CLASP1: variants seen among roughly 807,000 people sequenced by gnomAD.
CLASP1 encodes cytoplasmic linker associated protein 1, also known as CLIP-associating protein 1.
Under a neutral mutation model 192.3 loss-of-function variants are expected in CLASP1, and 38 were observed. The ratio of observed to expected loss-of-function variants is 0.20; its 90% CI spans 0.15 to 0.26. The LOEUF (loss-of-function observed/expected upper bound fraction) is 0.26, where lower values mean the gene tolerates loss of function less well. Ranked by LOEUF, CLASP1 falls within the 10% of genes least tolerant of loss-of-function variation. The probability of loss-of-function intolerance (pLI) is 1.00; values close to 1 mark genes in which losing one functional copy is unlikely to be tolerated. For synonymous variants in CLASP1, 691 were observed against 712.8 expected (o/e 0.97, Z 0.49); for missense variants, 1,433 against 1,932.5 (o/e 0.74, Z 4.85).
intron 8 of CLASP1, among the ~76,000 whole-genome samples, chr2:121,500,373 AAAGAAAGAAAGAAAGAAAG>A (rs543861617): frequency 7.4e-6 from 1 of 135,526 alleles, no homozygotes; most frequent in African/African-American, 3.7e-5. Flanking sequence ...AGAAAGAAAG[AAAGAAAGAAAGAAAGAAAG>A]AAAGAAAAGA....
intron 1 of CLASP1, among the ~76,000 whole-genome samples, chr2:121,616,620 T>C (rs1432965289): frequency 2.6e-5 from 4 of 152,196 alleles, no homozygotes; most frequent in African/African-American, 9.7e-5. Context: ...GTCAGCATAT[T>C]TCTATCAATA....
At position 121,530,839 on chromosome 2, in the gene CLASP1, T is replaced by C. The variant is rs79645684; in HGVS notation, c.196-514A>G. 29,936 of 666,100 alleles carry C rather than the reference T, an allele frequency of 0.045. 899 individuals carry two copies. The highest frequency in any genetic ancestry group is 0.12 in the East Asian group (4,346 of 36,592). 41.3% of individuals were successfully genotyped at this position (666,100 alleles called of 1,614,324 possible). A position where few individuals can be genotyped will look rare whatever the true frequency, so the allele number is the denominator to read the frequency against. On this transcript the variant is annotated intron_variant, in intron 2 of 39. Transcript: ENST00000263710. ...AATTAATTACCACAACCCTACCAGG[T>C]ATTGGCGCTTCCTGCTTGCAGCCCA... is the stretch of plus-strand genomic sequence containing the variant.
chr2:121,542,964 G>A (rs1490593297), intron 2 of CLASP1, among the ~76,000 whole-genome samples: 1 of 152,226 alleles, frequency 6.6e-6, no homozygotes, highest in Non-Finnish European at 1.5e-5. Context: ...ACAGCTTTCA[G>A]CAATGATAGA....
chr2:121,520,477 C>G (rs1463770848), intron 6 of CLASP1, among the ~76,000 whole-genome samples: 1 of 152,228 alleles, frequency 6.6e-6, no homozygotes, highest in African/African-American at 2.4e-5. Flanking sequence ...GGCAGGGCCG[C>G]ATGGAAGCTC....
At chr2:121,515,455 C>G (rs1016849139) in intron 7 of CLASP1, among the ~76,000 whole-genome samples, 5 of 152,128 alleles carry the variant, frequency 3.3e-5, no homozygotes, top group African/African-American at 1.2e-4. Flanking sequence ...GGCCAGTTGT[C>G]TGAGTGAGAA....
At chr2:121,518,864 C>T (rs1001234219) in intron 6 of CLASP1, among the ~76,000 whole-genome samples, 16 of 152,104 alleles carry the variant, frequency 1.1e-4, no homozygotes, top group African/African-American at 3.9e-4. Flanking sequence ...GGTGACAGAA[C>T]AAGACGCTGT....
At position 121,464,114 on chromosome 2, in the gene CLASP1, C is replaced by T. The variant is rs148613178; in HGVS notation, c.866-1509G>A. ...TGCGGTGTTTGGTTTTTTGTTCTTG[C>T]GATAGTTTACCGAGAATGATGATTT... On this transcript the variant is annotated intron_variant, in intron 9 of 39. Transcript: ENST00000263710. 1.2e-3 allele frequency among the ~76,000 whole-genome samples: 180 copies of T among 150,970 alleles called. 2 individuals carry two copies. The highest frequency in any genetic ancestry group is 3.7e-3 in the African/African-American group (151 of 41,100).
chr2:121,633,007 C>CATATATATATAT (rs71398038), intron 1 of CLASP1, among the ~76,000 whole-genome samples: 1,607 of 115,472 alleles, frequency 0.014, 78 homozygotes, highest in African/African-American at 0.057. Context: ...TATGTGTGTG[C>CATATATATATAT]ATATATATAT....
At chr2:121,447,546 T>A in intron 18 of CLASP1, 39 bp from the exon 19 acceptor site, 2 of 1,472,730 alleles carry the variant, frequency 1.4e-6, no homozygotes, top group South Asian at 2.6e-5. Context: ...AAGGACTACA[T>A]AGAATTTTGA....
chr2:121,384,123 C>T (rs1440087378), intron 32 of CLASP1, among the ~76,000 whole-genome samples: 1 of 135,728 alleles, frequency 7.4e-6, no homozygotes, highest in Admixed American at 7.3e-5. Flanking sequence ...TATATATACA[C>T]ACATATATAT....
At chr2:121,620,050 C>A (rs900077168) in intron 1 of CLASP1, among the ~76,000 whole-genome samples, 2 of 151,900 alleles carry the variant, frequency 1.3e-5, no homozygotes, top group Admixed American at 6.6e-5. Context: ...AGCGAAACCC[C>A]ATCTCTACTA....
At chr2:121,343,944 G>A (rs1206196309) in intron 39 of CLASP1, among the ~76,000 whole-genome samples, 2 of 152,042 alleles carry the variant, frequency 1.3e-5, no homozygotes, top group African/African-American at 2.4e-5. Context: ...GGTGGCAGGC[G>A]CCTATAATCC....
At chr2:121,348,838 T>G in intron 37 of CLASP1, 120 bp from the exon 39 acceptor site, 1 of 902,884 alleles carries the variant, frequency 1.1e-6, no homozygotes, top group Non-Finnish European at 1.6e-6. Context: ...CGGCAGCCAT[T>G]GCTTCGCCTG....
rs191279855 is a variant in CLASP1, at chr2:121,607,280, G to A, written c.-285-1100C>T. Among the ~76,000 whole-genome samples, 1,239 of 151,360 alleles carry A rather than the reference G, an allele frequency of 8.2e-3. 8 individuals carry two copies. The highest frequency in any genetic ancestry group is 0.013 in the Non-Finnish European group (907 of 67,780). On this transcript the variant is annotated intron_variant, in intron 1 of 39. Coordinates refer to ENST00000263710, the Ensembl canonical transcript of CLASP1. The stretch of plus-strand genomic sequence containing the variant: ...CTTGAATCCAGGAGACGGAGGTTGC[G>A]GTGAGCCGACACAGTGCCACTGCAC...
At chr2:121,472,157 A>T (rs1468553229) in intron 8 of CLASP1, among the ~76,000 whole-genome samples, 1 of 152,222 alleles carries the variant, frequency 6.6e-6, no homozygotes, top group African/African-American at 2.4e-5. Context: ...TTCACTCACA[A>T]ATTCATGTAA....
At chr2:121,451,899 A>T in intron 14 of CLASP1, 50 bp from the exon 15 acceptor site, 1 of 1,330,326 alleles carries the variant, frequency 7.5e-7, no homozygotes, top group East Asian at 2.5e-5. Flanking sequence ...TTTTAGTGAA[A>T]ATGAAAACGG....
At chr2:121,478,295 G>A (rs1231204977) in intron 8 of CLASP1, among the ~76,000 whole-genome samples, 2 of 151,970 alleles carry the variant, frequency 1.3e-5, no homozygotes, top group Admixed American at 6.6e-5. Context: ...GAGAACTCCC[G>A]CAACCTGATA....
chr2:121,348,021 C>T (rs1463692543), intron 38 of CLASP1, among the ~76,000 whole-genome samples: 1 of 146,160 alleles, frequency 6.8e-6, no homozygotes, highest in African/African-American at 2.5e-5. Flanking sequence ...GTCTGTGTGG[C>T]TGCAGAGTAG....
At chr2:121,512,140 A>G (rs1260040288) in intron 7 of CLASP1, among the ~76,000 whole-genome samples, 2 of 152,254 alleles carry the variant, frequency 1.3e-5, no homozygotes, top group African/African-American at 4.8e-5. Flanking sequence ...AGCCCTGTCT[A>G]TAAGTTAAAT....
Sources: allele counts gnomAD v4.1 joint callset (sites outside exome capture counted in the v4.1 genomes callset), GRCh38; gene constraint gnomAD v4.1.1; transcripts MANE v1.5; gene names NCBI Gene and HGNC (gene_info 2026-07-23, HGNC 2026-07-21).